The following PTBP2 variants were observed in gnomAD, a reference collection of about 807,000 sequenced individuals.
The protein encoded by PTBP2 is polypyrimidine tract binding protein 2, also known as polypyrimidine tract-binding protein 2.
A neutral mutation model predicts 61.4 loss-of-function variants in PTBP2; 13 were observed. The ratio of observed to expected loss-of-function variants is 0.21; its 90% CI spans 0.14 to 0.34. The LOEUF (loss-of-function observed/expected upper bound fraction) is 0.34, where lower values mean the gene tolerates loss of function less well. Ranked by LOEUF, PTBP2 falls within the 10% of genes least tolerant of loss-of-function variation. The pLI, the probability that PTBP2 is intolerant of heterozygous loss-of-function variation, is 1.00. For synonymous variants in PTBP2, 215 were observed against 218.5 expected (o/e 0.98, Z 0.14); for missense variants, 405 against 642.6 (o/e 0.63, Z 4.00).
downstream of PTBP2, chr1:96,815,409 A>G (rs935343050): frequency 3.9e-5 from 6 of 152,186 alleles, no homozygotes; most frequent in Non-Finnish European, 8.8e-5. Flanking sequence ...CTTGGGTGGG[A>G]AGAATGATAT....
chr1:96,730,372 G>A (rs937487854), intron 2 of PTBP2, among the ~76,000 whole-genome samples: 2 of 151,872 alleles, frequency 1.3e-5, no homozygotes, highest in Admixed American at 6.6e-5. Context: ...CCGCTTTCAC[G>A]GCATTCCTCA....
At chr1:96,735,636 G>A (rs1652056683) in intron 2 of PTBP2, among the ~76,000 whole-genome samples, 1 of 152,014 alleles carries the variant, frequency 6.6e-6, no homozygotes, top group Non-Finnish European at 1.5e-5. Context: ...CTGGAGTTCA[G>A]GTTAAAAATA....
intron 11 of PTBP2, among the ~76,000 whole-genome samples, chr1:96,810,140 A>G (rs577278763): frequency 6.6e-6 from 1 of 152,306 alleles, no homozygotes; most frequent in South Asian, 2.1e-4. Context: ...ATTCGTTAAT[A>G]ATCTCTTTCA....
At chr1:96,764,226 AACTT>A in intron 3 of PTBP2, among the ~76,000 whole-genome samples, 1 of 152,334 alleles carries the variant, frequency 6.6e-6, no homozygotes, top group African/African-American at 2.4e-5. Flanking sequence ...TGTTATTAGA[AACTT>A]AATCTCAGGT....
chr1:96,808,218 C>G (rs1484143887), intron 11 of PTBP2, among the ~76,000 whole-genome samples: 4 of 151,932 alleles, frequency 2.6e-5, no homozygotes, highest in Non-Finnish European at 5.9e-5. Context: ...TGCTCGTAGT[C>G]TGCTTGGGCT....
chr1:96,726,074 C>CAA (rs762152365), intron 2 of PTBP2, among the ~76,000 whole-genome samples: 597 of 54,216 alleles, frequency 0.011, 48 homozygotes, highest in Non-Finnish European at 0.015. Context: ...GACTCTATCT[C>CAA]AAAAAAAAAA....
intron 5 of PTBP2, among the ~76,000 whole-genome samples, chr1:96,774,504 C>G (rs923641527): frequency 6.6e-6 from 1 of 152,164 alleles, no homozygotes; most frequent in African/African-American, 2.4e-5. Context: ...AATAGAGTTT[C>G]ATAATAGAAG....
intron 9 of PTBP2, among the ~76,000 whole-genome samples, chr1:96,805,551 G>A (rs1661418517): frequency 7.2e-6 from 1 of 139,748 alleles, no homozygotes; most frequent in Admixed American, 7.4e-5. Flanking sequence ...AAAATTTATT[G>A]CTAAGTTATT....
At chr1:96,739,620 T>G (rs201234039) in intron 2 of PTBP2, among the ~76,000 whole-genome samples, 2,218 of 84,290 alleles carry the variant, frequency 0.026, 126 homozygotes, top group African/African-American at 0.14. Flanking sequence ...TGGTGTGTGT[T>G]TTTTTTTTTT....
intron 3 of PTBP2, among the ~76,000 whole-genome samples, chr1:96,751,935 G>C (rs1479557581): frequency 5.3e-5 from 8 of 151,846 alleles, no homozygotes; most frequent in African/African-American, 1.9e-4. Context: ...AACCATAGTT[G>C]CTATGGTTTT....
At chr1:96,791,840 T>TTTTTGTTTTTTTTTTTTG in intron 8 of PTBP2, among the ~76,000 whole-genome samples, 1 of 139,616 alleles carries the variant, frequency 7.2e-6, no homozygotes, top group African/African-American at 2.7e-5. Context: ...TTTTTTTTTT[T>TTTTTGTTTTTTTTTTTTG]TTTTTTTTTG....
chr1:96,801,227 G>GT (rs1660962435), intron 8 of PTBP2, among the ~76,000 whole-genome samples: 1 of 152,070 alleles, frequency 6.6e-6, no homozygotes, highest in Non-Finnish European at 1.5e-5. Flanking sequence ...AGAGCTTAAA[G>GT]TTTGGGAGTG....
intron 5 of PTBP2, among the ~76,000 whole-genome samples, chr1:96,776,003 AG>A (rs1446139299): frequency 6.6e-6 from 1 of 152,058 alleles, no homozygotes; most frequent in African/African-American, 2.4e-5. Context: ...TATCTCTGGA[AG>A]GATATCGAAG....
At chr1:96,770,251 G>T (rs976356179) in intron 4 of PTBP2, among the ~76,000 whole-genome samples, 1 of 151,908 alleles carries the variant, frequency 6.6e-6, no homozygotes, top group African/African-American at 2.4e-5. Context: ...AATGTTAAAT[G>T]ATACCATTTA....
At chr1:96,739,270 AC>A (rs1453841379) in intron 2 of PTBP2, among the ~76,000 whole-genome samples, 5 of 152,164 alleles carry the variant, frequency 3.3e-5, no homozygotes, top group African/African-American at 9.7e-5. Context: ...TCTTTAAAAA[AC>A]GTTGCATAAC....
At chr1:96,813,204 C>A in intron 13 of PTBP2, 72 bp from the exon 14 acceptor site, 1 of 1,548,910 alleles carries the variant, frequency 6.5e-7, no homozygotes, top group East Asian at 2.3e-5. Context: ...CCGGAATGGC[C>A]AAAATTCAAG....
rs1362677625 is a variant in PTBP2 at position 96,814,389 on chromosome 1, T to C, written c.*984T>C. 2 of 152,572 alleles carry C rather than the reference T, an allele frequency of 1.3e-5. No homozygotes were observed. The highest frequency in any genetic ancestry group is 2.9e-5 in the Non-Finnish European group (2 of 67,982). 9.5% of individuals were successfully genotyped at this position (152,572 alleles called of 1,614,324 possible). A position where few individuals can be genotyped will look rare whatever the true frequency, so the allele number is the denominator to read the frequency against. On this transcript the variant is annotated 3_prime_UTR_variant, in exon 14 of 14. Transcript: ENST00000674951. ...ATAAAGAAAGTGTACTGCGAAAATATGCAGGAAGATTAATTTTGTGGCAGT... is the reference window on the plus strand; with the variant it reads ...ATAAAGAAAGTGTACTGCGAAAATACGCAGGAAGATTAATTTTGTGGCAGT...
In PTBP2 at chr1:96,786,620, T is replaced by C. The variant is rs373030233; in HGVS notation, c.904+1366T>C. ...GACATTGTTTTAGAAAGAATCAAAA[T>C]TTATTGAGTAGCTTCTAGGTCATAT... On this transcript the variant is annotated intron_variant, in intron 8 of 13. Coordinates refer to ENST00000674951, the MANE Select transcript of PTBP2 (RefSeq NM_021190.4). Among the ~76,000 whole-genome samples, 11 of 152,314 alleles carry C rather than the reference T, an allele frequency of 7.2e-5. No homozygotes were observed. In the East Asian group the frequency reaches 1.5e-3, roughly 21 times the overall value.
At chr1:96,812,223 G>A (rs1490559835) in intron 11 of PTBP2, among the ~76,000 whole-genome samples, 1 of 152,192 alleles carries the variant, frequency 6.6e-6, no homozygotes, top group Non-Finnish European at 1.5e-5. Context: ...TCATCAAGCT[G>A]CTGTATAGAA....
Sources: gnomAD v4.1 joint callset for allele counts (sites outside exome capture counted in the v4.1 genomes callset) on GRCh38, gnomAD v4.1.1 for gene constraint, MANE v1.5 for transcripts, NCBI Gene and HGNC (gene_info 2026-07-23, HGNC 2026-07-21) for gene names.